The following FYTTD1 variants were observed in gnomAD, a reference collection of about 807,000 sequenced individuals.
FYTTD1 encodes UAP56-interacting factor.
Under a neutral mutation model 40.9 loss-of-function variants are expected in FYTTD1, and 22 were observed. The observed-to-expected ratio is 0.54, with a 90% CI of 0.38 to 0.77. FYTTD1 has a LOEUF of 0.77. FYTTD1 is among the 30% of genes least tolerant of loss of function. The pLI is 0.00. For synonymous variants in FYTTD1, 140 were observed against 137.9 expected (o/e 1.01, Z -0.10); for missense variants, 351 against 392.2 (o/e 0.90, Z 0.89).
rs1439929193 is a variant in FYTTD1, at chr3:197,785,182, C to G, written c.*3273C>G. The G allele has an allele frequency of 6.6e-6, 1 of 152,186 alleles. No individual in the cohort carries two copies. Among genetic ancestry groups the G allele is most frequent in the Non-Finnish European group, 1.5e-5 (1 of 68,024 alleles). The allele number at this position is 152,186 out of a possible 1,614,324, so 9.4% of individuals were successfully genotyped here. A position where few individuals can be genotyped will look rare whatever the true frequency, so the allele number is the denominator to read the frequency against. On this transcript the variant is annotated 3_prime_UTR_variant, in exon 9 of 9. Coordinates refer to ENST00000241502, the MANE Select transcript of FYTTD1 (RefSeq NM_032288.7). ...AGTCCAGTGTTCCTAATCAGATATGCATTTTTTAAAAACAGGCATAAACTC... is the reference window on the plus strand; with the variant it reads ...AGTCCAGTGTTCCTAATCAGATATGGATTTTTTAAAAACAGGCATAAACTC...
chr3:197,750,151 A>AG (rs1728960476), intron 1 of FYTTD1, 77 bp downstream of exon 1: 2 of 1,135,870 alleles, frequency 1.8e-6, no homozygotes, highest in Non-Finnish European at 2.4e-6. Flanking sequence ...TTGTGGGGGC[A>AG]GGGGCGGTCG....
intron 2 of FYTTD1, among the ~76,000 whole-genome samples, chr3:197,758,814 A>C (rs1729282661): frequency 6.6e-6 from 1 of 152,260 alleles, no homozygotes; most frequent in African/African-American, 2.4e-5. Context: ...TCCACGTTGT[A>C]ATGTCAATGA....
rs140417449 is a variant in FYTTD1 at position 197,779,230 on chromosome 3, C to T, written c.858+766C>T. The stretch of plus-strand genomic sequence containing the variant: ...AGGAGTTCGAGACCAGCCTGGCCAA[C>T]GTGGTGAAATCCTGTCTCTACTAAA... On this transcript the variant is annotated intron_variant, in intron 8 of 8. Transcript: ENST00000241502. 9.7e-3 allele frequency among the ~76,000 whole-genome samples: 1,470 copies of T among 152,158 alleles called. 12 individuals carry two copies. Among genetic ancestry groups the T allele is most frequent in the African/African-American group, 0.034 (1,393 of 41,518 alleles).
intron 8 of FYTTD1, among the ~76,000 whole-genome samples, chr3:197,780,532 G>A (rs556699369): frequency 4.6e-5 from 7 of 152,172 alleles, no homozygotes; most frequent in African/African-American, 1.2e-4. Flanking sequence ...CATTTAGTAT[G>A]ATATTAGGCA....
intron 1 of FYTTD1, chr3:197,750,299 C>G (rs1344135810): frequency 2.8e-6 from 3 of 1,077,484 alleles, no homozygotes; most frequent in Non-Finnish European, 3.5e-6. Context: ...CCGCGGCAGT[C>G]GGAGGAGGGG....
In FYTTD1 at chr3:197,750,512, A is replaced by G. The variant is rs994352589; in HGVS notation, c.103+438A>G. ...CGACCGAGCCGTTCTCTCTGAAGAA[A>G]GGTCTTGGAGAGCCCGGCCGGGGCT... On this transcript the variant is annotated intron_variant, in intron 1 of 8. Transcript: ENST00000241502. The G allele has an allele frequency of 2.0e-5, 20 of 985,890 alleles. No individual in the cohort carries two copies. The East Asian group carries it at 4.6e-4, about 22-fold the overall frequency. 61.1% of individuals were successfully genotyped at this position (985,890 alleles called of 1,614,324 possible).
upstream of FYTTD1, chr3:197,749,874 C>G: frequency 1.4e-6 from 1 of 738,526 alleles, no homozygotes; most frequent in East Asian, 3.5e-5. Context: ...GGCGCGTGCG[C>G]GCTCCCTCGG....
Position 197,778,341 on chromosome 3 carries a change from T to G in FYTTD1, c.735T>G (p.Thr245=). The change falls in exon 8 of 9, where the codon ACT becomes ACG. Residue 245 remains threonine, a synonymous_variant. Coordinates refer to ENST00000241502, the MANE Select transcript of FYTTD1 (RefSeq NM_032288.7). ...DNPGAVQCPV[T]QKPRLTRTAV... ...TATTTTAATATTTTTCTAATAGAACTCAGAAACCACGATTAACTCGTACTG... is the reference window on the plus strand; with the variant it reads ...TATTTTAATATTTTTCTAATAGAACGCAGAAACCACGATTAACTCGTACTG... 6.3e-7 allele frequency: 1 copy of G among 1,591,576 alleles called. No homozygotes were observed. Among genetic ancestry groups the G allele is most frequent in the Non-Finnish European group, 8.5e-7 (1 of 1,172,342 alleles).
chr3:197,760,097 CAGT>C, intron 2 of FYTTD1, among the ~76,000 whole-genome samples: 1 of 151,566 alleles, frequency 6.6e-6, no homozygotes, highest in South Asian at 2.1e-4. Context: ...GAATGTTCCT[CAGT>C]GGTAGAACGT....
intron 8 of FYTTD1, 62 bp from the exon 9 acceptor site, chr3:197,781,749 G>C: frequency 9.0e-7 from 1 of 1,117,112 alleles, no homozygotes; most frequent in Middle Eastern, 2.0e-4. Context: ...AAGCAAATAT[G>C]GCCTTCAGTA....
At chr3:197,763,521 A>C (rs1181825104) in intron 2 of FYTTD1, 1 of 454,060 alleles carries the variant, frequency 2.2e-6, no homozygotes, top group Admixed American at 2.4e-5. Context: ...TCGTGCTTGT[A>C]ATCCCAGCAC....
intron 2 of FYTTD1, among the ~76,000 whole-genome samples, chr3:197,762,382 A>G (rs1729413562): frequency 6.6e-6 from 1 of 151,814 alleles, no homozygotes; most frequent in Non-Finnish European, 1.5e-5. Context: ...CAAGGTCAGG[A>G]GTTCGAGAGC....
rs1730159191 is a variant in FYTTD1 at position 197,786,526 on chromosome 3, A to G, written c.*4617A>G. On this transcript the variant is annotated 3_prime_UTR_variant, in exon 9 of 9. Coordinates refer to ENST00000241502, the MANE Select transcript of FYTTD1 (RefSeq NM_032288.7). Reference sequence around the variant, plus strand: ...TGAGTGTATTCAGATGAGGTATACCAGTGTTTAAAGATTAGTTGGAAGTTA... The same window carrying G: ...TGAGTGTATTCAGATGAGGTATACCGGTGTTTAAAGATTAGTTGGAAGTTA... 2.0e-5 allele frequency: 3 copies of G among 152,186 alleles called. No homozygotes were observed. The highest frequency in any genetic ancestry group is 4.8e-5 in the African/African-American group (2 of 41,446). The allele number at this position is 152,186 out of a possible 1,614,324, so 9.4% of individuals were successfully genotyped here. A position where few individuals can be genotyped will look rare whatever the true frequency, so the allele number is the denominator to read the frequency against.
At chr3:197,775,085 TTTC>T (rs558956237) in intron 6 of FYTTD1, among the ~76,000 whole-genome samples, 166 of 152,352 alleles carry the variant, frequency 1.1e-3, no homozygotes, top group African/African-American at 3.8e-3. Context: ...GCTTTTTCTT[TTTC>T]TTTTTTTTGC....
chr3:197,781,363 G>A (rs1360507857), intron 8 of FYTTD1, among the ~76,000 whole-genome samples: 2 of 149,748 alleles, frequency 1.3e-5, no homozygotes, highest in Admixed American at 6.6e-5. Context: ...TTTTTATTTT[G>A]TTGCTATTAT....
chr3:197,770,017 A>G lies in FYTTD1; in HGVS notation c.385-115A>G, dbSNP rs531211234. On this transcript the variant is annotated intron_variant, in intron 3 of 8. Coordinates refer to ENST00000241502, the MANE Select transcript of FYTTD1 (RefSeq NM_032288.7). ...AGTTGTTTGTTTCTCCGTCTCCCTT[A>G]TCTGCACATTCAAGCAGTTGTCAAT... 7.6e-6 allele frequency: 5 copies of G among 654,562 alleles called. No homozygotes were observed. The Admixed American group carries it at 1.4e-4, about 18-fold the overall frequency. The allele number at this position is 654,562 out of a possible 1,614,324, so 40.5% of individuals were successfully genotyped here. A position where few individuals can be genotyped will look rare whatever the true frequency, so the allele number is the denominator to read the frequency against.
upstream of FYTTD1, chr3:197,749,832 C>CGCA: frequency 2.0e-6 from 1 of 509,660 alleles, no homozygotes; most frequent in Non-Finnish European, 3.3e-6. Context: ...CCGCCCCGCC[C>CGCA]GCAGCCGCGG....
chr3:197,756,481 A>G lies in FYTTD1; in HGVS notation c.159A>G (p.Leu53=). Residue 53 remains leucine (L), a synonymous_variant, in exon 2 of 9, where the codon CTA becomes CTG. Transcript: ENST00000241502. The stretch of plus-strand genomic sequence containing the variant: ...GGAAGAAGCAGAATTTTCCAAGACT[A>G]AATAGAAGACTCCTCCAGCAAAGTG... ...KEGKKQNFPR[L]NRRLLQQSGA... 3 of 1,611,278 alleles carry G rather than the reference A, an allele frequency of 1.9e-6. No individual in the cohort carries two copies. Among genetic ancestry groups the G allele is most frequent in the Non-Finnish European group, 2.5e-6 (3 of 1,177,332 alleles).
intron 2 of FYTTD1, among the ~76,000 whole-genome samples, chr3:197,764,233 G>A (rs1166505887): frequency 3.3e-5 from 5 of 152,204 alleles, no homozygotes; most frequent in Admixed American, 6.5e-5. Context: ...TAGAATGTAA[G>A]ACAGTTACAG....
Sources: allele counts gnomAD v4.1 joint callset (sites outside exome capture counted in the v4.1 genomes callset), GRCh38; gene constraint gnomAD v4.1.1; transcripts MANE v1.5; gene names NCBI Gene and HGNC (gene_info 2026-07-23, HGNC 2026-07-21).